The following CD96 variants were observed in gnomAD, a reference collection of about 807,000 sequenced individuals.
CD96 encodes CD96 molecule.
A neutral mutation model predicts 71.3 loss-of-function variants in CD96; 70 were observed. That is an observed-to-expected ratio of 0.98 (90% CI 0.81 to 1.20). The LOEUF is 1.20. Among genes scored for constraint, CD96 ranks in the 50% most tolerant of loss-of-function variants. The probability of loss-of-function intolerance (pLI) is 0.00; values close to 1 mark genes in which losing one functional copy is unlikely to be tolerated. For missense variants in CD96, 742 were observed against 677.5 expected (o/e 1.10, Z -1.06); for synonymous variants, 248 against 233.0 (o/e 1.06, Z -0.59).
rs879999326 is a variant in CD96, at chr3:111,631,063, T to C, written c.1322-6133T>C. ...AATATCATGCTGAATGGGCAAAATCTGGTAGCATTCCCCTTGAAAACCGGT... is the reference window on the plus strand; with the variant it reads ...AATATCATGCTGAATGGGCAAAATCCGGTAGCATTCCCCTTGAAAACCGGT... On this transcript the variant is annotated intron_variant, in intron 10 of 13. Coordinates refer to ENST00000352690, the MANE Select transcript of CD96 (RefSeq NM_005816.5). Among the ~76,000 whole-genome samples the C allele has an allele frequency of 1.3e-5, 2 of 152,170 alleles. 1 individual carries two copies. Among genetic ancestry groups the C allele is most frequent in the South Asian group, 4.1e-4 (2 of 4,826 alleles).
At chr3:111,570,975 G>A (rs1935953101) in intron 3 of CD96, 1 of 1,531,462 alleles carries the variant, frequency 6.5e-7, no homozygotes, top group Middle Eastern at 1.7e-4. Context: ...GGCCACCAGA[G>A]TGAAAAGCTG....
At chr3:111,603,737 T>C (rs1012030186) in intron 7 of CD96, among the ~76,000 whole-genome samples, 1 of 152,118 alleles carries the variant, frequency 6.6e-6, no homozygotes. Flanking sequence ...GCATTGACAG[T>C]TGTGTAGGTG....
At chr3:111,604,589 T>G (rs1937572397) in intron 7 of CD96, among the ~76,000 whole-genome samples, 1 of 152,200 alleles carries the variant, frequency 6.6e-6, no homozygotes, top group Non-Finnish European at 1.5e-5. Context: ...CAATAATATC[T>G]TCTTAATACA....
chr3:111,617,435 C>T (rs1938298330), intron 8 of CD96, among the ~76,000 whole-genome samples: 1 of 152,238 alleles, frequency 6.6e-6, no homozygotes, highest in East Asian at 1.9e-4. Context: ...CATGCACTTT[C>T]TCCCTTCTGA....
chr3:111,662,757 G>T (rs1940388405), intron 14 of CD96, among the ~76,000 whole-genome samples: 1 of 152,170 alleles, frequency 6.6e-6, no homozygotes, highest in South Asian at 2.1e-4. Flanking sequence ...GGGCTTCACT[G>T]TCTATATCAC....
intron 3 of CD96, among the ~76,000 whole-genome samples, chr3:111,572,049 G>A (rs1024522932): frequency 6.6e-6 from 1 of 152,302 alleles, no homozygotes; most frequent in East Asian, 1.9e-4. Flanking sequence ...TCTTTGGGCT[G>A]ACCTATGCTC....
chr3:111,649,862 G>T lies in CD96; in HGVS notation c.*56G>T. 1 of 1,102,082 alleles carries T rather than the reference G, an allele frequency of 9.1e-7. No homozygotes were observed. The highest frequency in any genetic ancestry group is 1.4e-6 in the Non-Finnish European group (1 of 713,188). 68.3% of individuals were successfully genotyped at this position (1,102,082 alleles called of 1,614,324 possible). On this transcript the variant is annotated 3_prime_UTR_variant, in exon 14 of 14. Coordinates refer to ENST00000352690, the MANE Select transcript of CD96 (RefSeq NM_005816.5). The stretch of plus-strand genomic sequence containing the variant: ...CTGCTGGAATCCTATTGAGAAGGTA[G>T]ACATTGTGCTTTATTAATATAGTCG...
chr3:111,630,943 C>T (rs1348630527), intron 10 of CD96, among the ~76,000 whole-genome samples: 3 of 151,868 alleles, frequency 2.0e-5, no homozygotes, highest in African/African-American at 7.2e-5. Flanking sequence ...AAAAGGCCTT[C>T]AGTAAAATTT....
intron 8 of CD96, among the ~76,000 whole-genome samples, chr3:111,616,148 T>G (rs1004110210): frequency 6.6e-6 from 1 of 150,550 alleles, no homozygotes; most frequent in African/African-American, 2.4e-5. Context: ...CCTGTTTGGC[T>G]CCTCTCCACA....
At chr3:111,626,877 A>C (rs999685530) in intron 10 of CD96, among the ~76,000 whole-genome samples, 8 of 152,256 alleles carry the variant, frequency 5.3e-5, no homozygotes, top group Non-Finnish European at 4.4e-5. Context: ...AAGCAAGTAT[A>C]AACACCATAT....
chr3:111,646,079 G>A (rs914908390), intron 12 of CD96, among the ~76,000 whole-genome samples: 3 of 152,036 alleles, frequency 2.0e-5, no homozygotes, highest in South Asian at 2.1e-4. Flanking sequence ...CTACCTAGCC[G>A]AGACAAGGAA....
At chr3:111,592,177 A>G (rs1937021576) in intron 5 of CD96, among the ~76,000 whole-genome samples, 1 of 152,184 alleles carries the variant, frequency 6.6e-6, no homozygotes, top group Admixed American at 6.5e-5. Context: ...GTCTTCTATA[A>G]CAAATATCAG....
intron 2 of CD96, among the ~76,000 whole-genome samples, chr3:111,552,990 C>G (rs1934794085): frequency 1.3e-5 from 2 of 151,474 alleles, no homozygotes; most frequent in Non-Finnish European, 1.5e-5. Context: ...TTATTTAAAC[C>G]CTTATCAACT....
At chr3:111,601,636 T>C (rs1937502494) in intron 7 of CD96, among the ~76,000 whole-genome samples, 1 of 152,248 alleles carries the variant, frequency 6.6e-6, no homozygotes, top group Non-Finnish European at 1.5e-5. Flanking sequence ...CAGATATTCA[T>C]ATTTAACAGT....
At chr3:111,626,852 T>C (rs1938793101) in intron 10 of CD96, among the ~76,000 whole-genome samples, 1 of 152,228 alleles carries the variant, frequency 6.6e-6, no homozygotes, top group Non-Finnish European at 1.5e-5. Flanking sequence ...TGGCATATTT[T>C]CTAATGAAAT....
At chr3:111,555,572 T>G (rs1319576864) in intron 2 of CD96, among the ~76,000 whole-genome samples, 1 of 152,302 alleles carries the variant, frequency 6.6e-6, no homozygotes, top group Non-Finnish European at 1.5e-5. Context: ...AGTTATATTA[T>G]TAGTCTGCTG....
intron 14 of CD96, among the ~76,000 whole-genome samples, chr3:111,661,474 A>G (rs1940356616): frequency 6.6e-6 from 1 of 152,268 alleles, no homozygotes; most frequent in South Asian, 2.1e-4. Flanking sequence ...CATCTGAGAC[A>G]AGGCGAGTCC....
rs1272136009 is a variant in CD96 at position 111,638,214 on chromosome 3, C to G, written c.1477+46C>G. On this transcript the variant is annotated intron_variant, in intron 12 of 13. Coordinates refer to ENST00000352690, the MANE Select transcript of CD96 (RefSeq NM_005816.5). ...TGGGGGATTTTATGCTTTATTCACT[C>G]AATAAATATTTATCAAGTACCTGCC... is the stretch of plus-strand genomic sequence containing the variant. 3 of 1,147,652 alleles carry G rather than the reference C, an allele frequency of 2.6e-6. No individual in the cohort carries two copies. In the African/African-American group the frequency reaches 4.6e-5, roughly 17 times the overall value. The allele number at this position is 1,147,652 out of a possible 1,614,324, so 71.1% of individuals were successfully genotyped here. A position where few individuals can be genotyped will look rare whatever the true frequency, so the allele number is the denominator to read the frequency against.
intron 2 of CD96, among the ~76,000 whole-genome samples, chr3:111,555,095 C>T (rs1934921601): frequency 1.3e-5 from 2 of 152,048 alleles, no homozygotes; most frequent in Non-Finnish European, 2.9e-5. Flanking sequence ...TTCTTACTCA[C>T]ACACTGCTCA....
Sources: allele counts gnomAD v4.1 joint callset (sites outside exome capture counted in the v4.1 genomes callset), GRCh38; gene constraint gnomAD v4.1.1; transcripts MANE v1.5; gene names NCBI Gene and HGNC (gene_info 2026-07-23, HGNC 2026-07-21).